MDFIC: variants seen among roughly 807,000 people sequenced by gnomAD.
MDFIC encodes MyoD family inhibitor domain containing.
A neutral mutation model predicts 23.2 loss-of-function variants in MDFIC; 17 were observed. That is an observed-to-expected ratio of 0.73 (90% CI 0.50 to 1.10). The LOEUF is 1.10. Among genes scored for constraint, MDFIC ranks in the 50% least tolerant of loss-of-function variants. The pLI is 0.00. For synonymous variants in MDFIC, 120 were observed against 115.2 expected (o/e 1.04, Z -0.27); for missense variants, 356 against 316.6 (o/e 1.12, Z -0.95).
chr7:114,940,746 C>T (rs2115754195), intron 2 of MDFIC, among the ~76,000 whole-genome samples: 1 of 152,300 alleles, frequency 6.6e-6, no homozygotes, highest in Non-Finnish European at 1.5e-5. Context: ...CATCACCTAG[C>T]ACAATGCCTA....
At position 115,019,532 on chromosome 7, in the gene MDFIC, A is replaced by T. The variant is rs979121478; in HGVS notation, c.*3597A>T. Among the ~76,000 whole-genome samples, 3 of 152,118 alleles carry T rather than the reference A, an allele frequency of 2.0e-5. No homozygotes were observed. The East Asian group carries it at 5.8e-4, about 29-fold the overall frequency. Reference sequence around the variant, plus strand: ...TCGAGACTTATTAACATAAATAAGTATCTTGCCTTCTTGAATGCTAGTTAA... The same window carrying T: ...TCGAGACTTATTAACATAAATAAGTTTCTTGCCTTCTTGAATGCTAGTTAA... On this transcript the variant is annotated 3_prime_UTR_variant, in exon 5 of 5. Coordinates refer to ENST00000393486, the MANE Select transcript of MDFIC (RefSeq NM_001166345.3).
chr7:114,982,866 T>G (rs1764924712), intron 4 of MDFIC, among the ~76,000 whole-genome samples: 1 of 152,136 alleles, frequency 6.6e-6, no homozygotes, highest in South Asian at 2.1e-4. Flanking sequence ...GCTGCATCCT[T>G]GGAAAGGGAG....
intron 4 of MDFIC, among the ~76,000 whole-genome samples, chr7:115,003,269 T>G (rs955550225): frequency 6.6e-6 from 1 of 152,150 alleles, no homozygotes; most frequent in African/African-American, 2.4e-5. Flanking sequence ...GCCCATTCAC[T>G]ATGACAGTTT....
At chr7:114,987,036 T>C (rs995553081) in intron 4 of MDFIC, among the ~76,000 whole-genome samples, 1 of 152,132 alleles carries the variant, frequency 6.6e-6, no homozygotes, top group East Asian at 1.9e-4. Context: ...GCTGAAATTC[T>C]TAAGGGAGAG....
intron 4 of MDFIC, among the ~76,000 whole-genome samples, chr7:114,995,996 A>G (rs751011695): frequency 3.5e-4 from 53 of 152,194 alleles, no homozygotes; most frequent in Non-Finnish European, 7.1e-4. Context: ...AACTGAAGAG[A>G]TTGGATAACT....
chr7:114,961,449 G>T (rs1792989941), intron 3 of MDFIC, among the ~76,000 whole-genome samples: 1 of 152,128 alleles, frequency 6.6e-6, no homozygotes, highest in Admixed American at 6.5e-5. Context: ...GTTAATAATT[G>T]TTGGCAGTAG....
At chr7:115,010,123 A>AT (rs1027638921) in intron 4 of MDFIC, among the ~76,000 whole-genome samples, 3 of 152,108 alleles carry the variant, frequency 2.0e-5, no homozygotes, top group Admixed American at 6.5e-5. Context: ...CAGAGGACCC[A>AT]TTTTTTTAAA....
At chr7:115,004,362 A>ATC (rs997988982) in intron 4 of MDFIC, among the ~76,000 whole-genome samples, 8 of 152,306 alleles carry the variant, frequency 5.3e-5, no homozygotes, top group Admixed American at 4.6e-4. Flanking sequence ...TAATCCCAGC[A>ATC]CTTAGCCTGG....
intron 3 of MDFIC, among the ~76,000 whole-genome samples, chr7:114,973,101 GTATATA>G (rs61549771): frequency 4.1e-5 from 6 of 147,720 alleles, no homozygotes; most frequent in Admixed American, 6.8e-5. Context: ...GTGTGTGTGT[GTATATA>G]TATATATATA....
chr7:114,942,350 A>G lies in MDFIC; in HGVS notation c.170A>G (p.Gln57Arg). Residue 57 changes from glutamine to arginine, a missense_variant, in exon 3 of 5, where the codon CAA (glutamine) becomes CGA (arginine). Transcript: ENST00000393486. Reference protein sequence around the residue: ...TNSHFTHGEMQDQSIWGNPSD... With the variant: ...TNSHFTHGEMRDQSIWGNPSD... Reference sequence around the variant, plus strand: ...AGCCACTTCACACATGGAGAGATGCAAGACCAGTCCATTTGGGGAAATCCT... The same window carrying G: ...AGCCACTTCACACATGGAGAGATGCGAGACCAGTCCATTTGGGGAAATCCT... 6.2e-7 allele frequency: 1 copy of G among 1,606,924 alleles called. No homozygotes were observed. Among genetic ancestry groups the G allele is most frequent in the South Asian group, 1.1e-5 (1 of 89,926 alleles).
chr7:114,986,385 A>G (rs2594447), intron 4 of MDFIC, among the ~76,000 whole-genome samples: 145,186 of 152,194 alleles, frequency 0.95, 69,339 homozygotes, highest in Middle Eastern at 0.99. Flanking sequence ...CCAGGAGACA[A>G]TCTGGGTAGG....
At chr7:114,922,683 T>G (rs1298665416) in intron 1 of MDFIC, 47 bp downstream of exon 1, 1 of 1,343,496 alleles carries the variant, frequency 7.4e-7, no homozygotes, top group Non-Finnish European at 9.6e-7. Context: ...TTGATCCCCA[T>G]CCCCGGGGTT....
In MDFIC at chr7:114,994,987, A is replaced by G. The variant is rs147960179; in HGVS notation, c.493+15206A>G. Among the ~76,000 whole-genome samples the G allele has an allele frequency of 2.5e-3, 375 of 152,294 alleles. 1 individual carries two copies. The highest frequency in any genetic ancestry group is 8.1e-3 in the African/African-American group (338 of 41,568). ...CTCCCTGTCACTTTCAGGTACACCA[A>G]TCAGACGTAGATTTGGTCTTTTCAC... On this transcript the variant is annotated intron_variant, in intron 4 of 4. Coordinates refer to ENST00000393486, the MANE Select transcript of MDFIC (RefSeq NM_001166345.3).
Position 114,922,575 on chromosome 7 carries a change from G to A in MDFIC, c.-169G>A, listed in dbSNP as rs751956602. On this transcript the variant is annotated 5_prime_UTR_variant, in exon 1 of 5. Coordinates refer to ENST00000393486, the MANE Select transcript of MDFIC (RefSeq NM_001166345.3). ...GCTGCCGGAGGCTCGCTAACTTTCC[G>A]GGGCGGAAGAGGAGGAGGAGGAGGA... 3 of 1,268,820 alleles carry A rather than the reference G, an allele frequency of 2.4e-6. No homozygotes were observed. The highest frequency in any genetic ancestry group is 3.0e-6 in the Non-Finnish European group (3 of 1,000,206). 78.6% of individuals were successfully genotyped at this position (1,268,820 alleles called of 1,614,324 possible).
chr7:114,935,389 C>T (rs1194224585), intron 2 of MDFIC, among the ~76,000 whole-genome samples: 1 of 151,988 alleles, frequency 6.6e-6, no homozygotes, highest in Non-Finnish European at 1.5e-5. Context: ...AGTTATACTC[C>T]TTTTTATAAG....
rs1423078321 is a variant in MDFIC at position 115,017,051 on chromosome 7, T to G, written c.*1116T>G. 1.3e-5 allele frequency: 2 copies of G among 152,214 alleles called. No homozygotes were observed. The highest frequency in any genetic ancestry group is 2.9e-5 in the Non-Finnish European group (2 of 68,042). The allele number at this position is 152,214 out of a possible 1,614,324, so 9.4% of individuals were successfully genotyped here. Reference sequence around the variant, plus strand: ...TTGAGGACTCTCTTAGAATGAGTGATTCACCTGCTATTTAAATGAATTATT... The same window carrying G: ...TTGAGGACTCTCTTAGAATGAGTGAGTCACCTGCTATTTAAATGAATTATT... On this transcript the variant is annotated 3_prime_UTR_variant, in exon 5 of 5. Transcript: ENST00000393486.
intron 4 of MDFIC, among the ~76,000 whole-genome samples, chr7:114,992,431 T>A (rs574983069): frequency 8.5e-4 from 129 of 152,308 alleles, no homozygotes; most frequent in African/African-American, 3.0e-3. Context: ...TTGTGCCAGT[T>A]TTCAAAGGGA....
chr7:114,922,599 G>A lies in MDFIC; in HGVS notation c.-145G>A. 1 of 1,269,856 alleles carries A rather than the reference G, an allele frequency of 7.9e-7. No homozygotes were observed. The highest frequency in any genetic ancestry group is 1.5e-5 in the African/African-American group (1 of 65,060). 78.7% of individuals were successfully genotyped at this position (1,269,856 alleles called of 1,614,324 possible). On this transcript the variant is annotated 5_prime_UTR_variant, in exon 1 of 5. Transcript: ENST00000393486. The stretch of plus-strand genomic sequence containing the variant: ...CGGGGCGGAAGAGGAGGAGGAGGAG[G>A]AGGAAGGGGCTTGGAGCGACTACGG...
intron 3 of MDFIC, among the ~76,000 whole-genome samples, chr7:114,951,448 A>G (rs61672967): frequency 0.017 from 2,522 of 152,340 alleles, 62 homozygotes; most frequent in African/African-American, 0.056. Flanking sequence ...TAATTTAAAA[A>G]AAGACATATG....
Sources: allele counts gnomAD v4.1 joint callset (sites outside exome capture counted in the v4.1 genomes callset), GRCh38; gene constraint gnomAD v4.1.1; transcripts MANE v1.5; gene names NCBI Gene and HGNC (gene_info 2026-07-23, HGNC 2026-07-21).